Variants in MTMR2 observed in about 807,000 individuals in gnomAD.
MTMR2 encodes the protein phosphatidylinositol-3,5-bisphosphate 3-phosphatase MTMR2.
A neutral mutation model predicts 86.9 loss-of-function variants in MTMR2; 55 were observed. The ratio of observed to expected loss-of-function variants is 0.63; its 90% CI spans 0.51 to 0.79. The LOEUF is 0.79. Ranked by LOEUF, MTMR2 falls within the 30% of genes least tolerant of loss-of-function variation. The pLI, the probability that MTMR2 is intolerant of heterozygous loss-of-function variation, is 0.00. For missense variants in MTMR2, 659 were observed against 772.3 expected (o/e 0.85, Z 1.74); for synonymous variants, 241 against 266.8 (o/e 0.90, Z 0.94).
At chr11:95,908,593 C>T (rs570986418) in intron 1 of MTMR2, among the ~76,000 whole-genome samples, 38 of 152,204 alleles carry the variant, frequency 2.5e-4, no homozygotes, top group African/African-American at 8.7e-4. Flanking sequence ...TCAAACTATA[C>T]TACAAGGCTA....
At chr11:95,870,988 T>C (rs1433261558) in intron 2 of MTMR2, among the ~76,000 whole-genome samples, 1 of 152,082 alleles carries the variant, frequency 6.6e-6, no homozygotes, top group African/African-American at 2.4e-5. Context: ...CATGCGGTGT[T>C]TGGTGTTTTG....
chr11:95,860,411 G>C (rs484546), intron 5 of MTMR2, among the ~76,000 whole-genome samples: 14,170 of 152,138 alleles, frequency 0.093, 919 homozygotes, highest in Non-Finnish European at 0.13. Context: ...TGAGGTAGGA[G>C]AATCACTTGA....
chr11:95,845,613 G>A (rs889773473), intron 10 of MTMR2, among the ~76,000 whole-genome samples: 12 of 152,008 alleles, frequency 7.9e-5, no homozygotes, highest in Admixed American at 7.2e-4. Context: ...ATACTCTATA[G>A]CAGTTATTGT....
At chr11:95,920,239 T>C (rs539624507) in intron 1 of MTMR2, among the ~76,000 whole-genome samples, 2 of 152,340 alleles carry the variant, frequency 1.3e-5, no homozygotes, top group Non-Finnish European at 2.9e-5. Flanking sequence ...CAGCAAGATA[T>C]ACAAGAGTTG....
intron 6 of MTMR2, among the ~76,000 whole-genome samples, chr11:95,858,217 C>G (rs1565356585): frequency 6.6e-6 from 1 of 151,990 alleles, no homozygotes; most frequent in Non-Finnish European, 1.5e-5. Context: ...TAACTGGCTC[C>G]CAATTAAAAA....
In MTMR2 at chr11:95,835,338, T is replaced by G. The variant is rs747684213; in HGVS notation, c.1884A>C (p.Arg628Ser). 3.1e-6 allele frequency: 5 copies of G among 1,613,112 alleles called. No homozygotes were observed. The highest frequency in any genetic ancestry group is 1.7e-4 in the Middle Eastern group (1 of 6,056). Residue 628 changes from arginine (R) to serine (S), a missense_variant, in exon 15 of 15, where the codon AGA (arginine) becomes AGC (serine). Physicochemically the swap from Arg to Ser is moderately radical, Grantham distance 110 (BLOSUM62 -1). Around this residue, in one of 3 missense-constraint regions of MTMR2, gnomAD observed 193 missense variants for 191.6 expected, o/e 1.01. Transcript: ENST00000346299. ...TGACACACTGTGCAGGAGAGCTGGCTCTCTCTGAGGATGAGGTTGATCGGT... is the reference window on the plus strand; with the variant it reads ...TGACACACTGTGCAGGAGAGCTGGCGCTCTCTGAGGATGAGGTTGATCGGT... ...ISNRSTSSSE[R>S]ASSPAQCVTP...
At chr11:95,917,449 T>A (rs1267993378) in intron 1 of MTMR2, among the ~76,000 whole-genome samples, 1 of 152,168 alleles carries the variant, frequency 6.6e-6, no homozygotes, top group Admixed American at 6.5e-5. Context: ...GTTCAGGTGA[T>A]GGCCTCCTGG....
chr11:95,881,424 A>G (rs1183068954), intron 2 of MTMR2, among the ~76,000 whole-genome samples: 1 of 152,154 alleles, frequency 6.6e-6, no homozygotes, highest in Non-Finnish European at 1.5e-5. Context: ...TTTTGGAATT[A>G]TATTCAATTA....
intron 7 of MTMR2, among the ~76,000 whole-genome samples, chr11:95,856,352 AGGGGGG>A (rs1400689691): frequency 1.3e-5 from 2 of 150,476 alleles, no homozygotes; most frequent in Admixed American, 1.3e-4. Context: ...TTTTATTTAA[AGGGGGG>A]GAAGTGAATA....
At chr11:95,838,477 G>GCATT (rs1299595861) in intron 12 of MTMR2, among the ~76,000 whole-genome samples, 4 of 151,962 alleles carry the variant, frequency 2.6e-5, no homozygotes, top group Admixed American at 1.3e-4. Flanking sequence ...GCAACTCTAG[G>GCATT]CATTCTCTGC....
chr11:95,914,181 A>G, intron 1 of MTMR2: 1 of 978,482 alleles, frequency 1.0e-6, no homozygotes, highest in Non-Finnish European at 1.2e-6. Flanking sequence ...ATAATCCAGA[A>G]ATACTGTTGG....
rs902694025 is a variant in MTMR2, at chr11:95,880,069, A to C, written c.186+8087T>G. ...TCTTATATTTTATAAGTATTTTTATAATAGAAAGCTATAATTCTTATATAT... is the reference window on the plus strand; with the variant it reads ...TCTTATATTTTATAAGTATTTTTATCATAGAAAGCTATAATTCTTATATAT... On this transcript the variant is annotated intron_variant, in intron 2 of 14. Transcript: ENST00000346299. Among the ~76,000 whole-genome samples the C allele has an allele frequency of 7.9e-5, 12 of 151,890 alleles. No individual in the cohort carries two copies. In the South Asian group the frequency reaches 1.2e-3, roughly 16 times the overall value.
chr11:95,893,711 A>G (rs1315030791), intron 1 of MTMR2, among the ~76,000 whole-genome samples: 1 of 152,024 alleles, frequency 6.6e-6, no homozygotes, highest in Non-Finnish European at 1.5e-5. Flanking sequence ...TTTAAACCAT[A>G]ACCATCCTCT....
chr11:95,860,659 A>T (rs1864381284), intron 5 of MTMR2, among the ~76,000 whole-genome samples: 1 of 152,236 alleles, frequency 6.6e-6, no homozygotes. Context: ...TGTGATGTAG[A>T]ATCTCAATGT....
intron 1 of MTMR2, among the ~76,000 whole-genome samples, chr11:95,894,239 T>C (rs1278720863): frequency 6.6e-6 from 1 of 152,208 alleles, no homozygotes; most frequent in Admixed American, 6.5e-5. Context: ...CTGTACACTG[T>C]ACATATTTCT....
intron 11 of MTMR2, among the ~76,000 whole-genome samples, chr11:95,841,922 C>T (rs1863565479): frequency 6.6e-6 from 1 of 152,036 alleles, no homozygotes; most frequent in Non-Finnish European, 1.5e-5. Context: ...ATAGCAAGAC[C>T]CCATCTCTAC....
At chr11:95,844,908 G>A (rs758518766) in intron 11 of MTMR2, 45 bp downstream of exon 11, 2 of 1,456,190 alleles carry the variant, frequency 1.4e-6, no homozygotes, top group African/African-American at 1.4e-5. Context: ...ACATGCCTTG[G>A]CATGAATGCA....
At chr11:95,905,595 C>A (rs1866245130) in intron 1 of MTMR2, among the ~76,000 whole-genome samples, 1 of 152,160 alleles carries the variant, frequency 6.6e-6, no homozygotes, top group Non-Finnish European at 1.5e-5. Flanking sequence ...ATACGCCTCC[C>A]TCAGCACATT....
chr11:95,920,930 C>T (rs1866897352), intron 1 of MTMR2, among the ~76,000 whole-genome samples: 1 of 152,124 alleles, frequency 6.6e-6, no homozygotes, highest in African/African-American at 2.4e-5. Context: ...AAACAATGGG[C>T]AACCACATGG....
Sources: allele counts gnomAD v4.1 joint callset (sites outside exome capture counted in the v4.1 genomes callset), GRCh38; gene constraint gnomAD v4.1.1; regional missense constraint gnomAD v4.1.1; transcripts MANE v1.5; gene names NCBI Gene and HGNC (gene_info 2026-07-23, HGNC 2026-07-21).